GALNTL6: variants seen among roughly 807,000 people sequenced by gnomAD.
GALNTL6 encodes the protein polypeptide N-acetylgalactosaminyltransferase like 6.
GALNTL6 carries 46 observed loss-of-function variants against 73.7 expected under a neutral mutation model. That is an observed-to-expected ratio of 0.62 (90% CI 0.49 to 0.80). The LOEUF is 0.80. Among genes scored for constraint, GALNTL6 ranks in the 30% least tolerant of loss-of-function variants. GALNTL6 has a pLI of 0.00. For missense variants in GALNTL6, 604 were observed against 755.0 expected (o/e 0.80, Z 2.34); for synonymous variants, 259 against 263.7 (o/e 0.98, Z 0.17).
At chr4:172,081,876 CTT>C (rs201769212) in intron 2 of GALNTL6, among the ~76,000 whole-genome samples, 5 of 143,980 alleles carry the variant, frequency 3.5e-5, no homozygotes, top group African/African-American at 7.6e-5. Flanking sequence ...TTATTTATTC[CTT>C]TTTTTTTTTT....
Position 172,498,762 on chromosome 4 carries a change from C to A in GALNTL6, c.553+150073C>A, listed in dbSNP as rs1204486450. Among the ~76,000 whole-genome samples, 6 of 152,128 alleles carry A rather than the reference C, an allele frequency of 3.9e-5. No homozygotes were observed. The East Asian group carries it at 1.2e-3, about 29-fold the overall frequency. On this transcript the variant is annotated intron_variant, in intron 5 of 12. Transcript: ENST00000506823. ...TTAGAGCTTAGTTCTATGATCAACTCGATGTATGATGAACAGGTTTTCAAG... is the reference window on the plus strand; with the variant it reads ...TTAGAGCTTAGTTCTATGATCAACTAGATGTATGATGAACAGGTTTTCAAG...
chr4:172,337,293 A>T (rs1741370175), intron 4 of GALNTL6, among the ~76,000 whole-genome samples: 1 of 152,118 alleles, frequency 6.6e-6, no homozygotes, highest in Non-Finnish European at 1.5e-5. Flanking sequence ...TTCAAGGTTA[A>T]TGATGATATG....
intron 5 of GALNTL6, among the ~76,000 whole-genome samples, chr4:172,513,586 CA>C (rs1734501189): frequency 6.6e-6 from 1 of 152,138 alleles, no homozygotes; most frequent in African/African-American, 2.4e-5. Context: ...AACTGCTCTT[CA>C]GATTCTTTTG....
At chr4:171,846,899 TAATTATATATACATATAATTATATG>T (rs1735386951) in intron 2 of GALNTL6, among the ~76,000 whole-genome samples, 2 of 13,620 alleles carry the variant, frequency 1.5e-4, no homozygotes, top group South Asian at 0.012. Flanking sequence ...TAATTATATG[TAATTATATATACATATAATTATATG>T]TAATTATATA....
At chr4:172,003,290 T>C (rs1740734364) in intron 2 of GALNTL6, among the ~76,000 whole-genome samples, 1 of 152,162 alleles carries the variant, frequency 6.6e-6, no homozygotes, top group African/African-American at 2.4e-5. Flanking sequence ...ATTTTATTTC[T>C]TTAGGACATT....
intron 5 of GALNTL6, among the ~76,000 whole-genome samples, chr4:172,677,969 G>A (rs1217556423): frequency 6.6e-6 from 1 of 152,162 alleles, no homozygotes; most frequent in Non-Finnish European, 1.5e-5. Flanking sequence ...TGCATTTAAG[G>A]AGCTTCTATA....
At chr4:172,733,510 G>A (rs1041939758) in intron 5 of GALNTL6, among the ~76,000 whole-genome samples, 19 of 152,218 alleles carry the variant, frequency 1.2e-4, no homozygotes, top group Admixed American at 5.9e-4. Context: ...CCCAAATCTC[G>A]TCTTGAATTG....
At chr4:172,368,954 C>T (rs1016297661) in intron 5 of GALNTL6, among the ~76,000 whole-genome samples, 2 of 152,178 alleles carry the variant, frequency 1.3e-5, no homozygotes, top group Non-Finnish European at 2.9e-5. Context: ...ATAAAGGCGG[C>T]ACAGACCCAA....
chr4:171,913,286 T>A (rs969453560), intron 2 of GALNTL6, among the ~76,000 whole-genome samples: 2 of 152,218 alleles, frequency 1.3e-5, no homozygotes, highest in African/African-American at 4.8e-5. Context: ...GAAAGAGGCA[T>A]TTATGGCTGG....
chr4:172,358,857 C>CAAAAAAAAAAAAAAAAAAAAAAA (rs56119441), intron 5 of GALNTL6, among the ~76,000 whole-genome samples: 1 of 85,554 alleles, frequency 1.2e-5, no homozygotes, highest in African/African-American at 4.7e-5. Context: ...ATTAAAAAGT[C>CAAAAAAAAAAAAAAAAAAAAAAA]AAAAAAAAAA....
At chr4:173,005,344 C>G (rs761440773) in intron 10 of GALNTL6, among the ~76,000 whole-genome samples, 3 of 152,070 alleles carry the variant, frequency 2.0e-5, no homozygotes, top group Non-Finnish European at 4.4e-5. Context: ...TGCTGTCAAG[C>G]CCTGAAACTG....
intron 5 of GALNTL6, among the ~76,000 whole-genome samples, chr4:172,520,196 C>T (rs935444548): frequency 1.4e-4 from 21 of 151,832 alleles, no homozygotes; most frequent in African/African-American, 5.1e-4. Flanking sequence ...AAGTTAATGT[C>T]GGTGTCAATA....
intron 5 of GALNTL6, among the ~76,000 whole-genome samples, chr4:172,524,035 G>T (rs1734870188): frequency 6.6e-6 from 1 of 152,066 alleles, no homozygotes; most frequent in African/African-American, 2.4e-5. Context: ...TATGGTAATT[G>T]TATCCTGAAT....
At position 172,786,370 on chromosome 4, in the gene GALNTL6, A is replaced by C. The variant is rs1739654554; in HGVS notation, c.554-22991A>C. On this transcript the variant is annotated intron_variant, in intron 5 of 12. Coordinates refer to ENST00000506823, the MANE Select transcript of GALNTL6 (RefSeq NM_001034845.3). The stretch of plus-strand genomic sequence containing the variant: ...ATATAATTATCATGACTCACTTTGT[A>C]GTGTAGTGAATACAGTATTTTTTAT... Among the ~76,000 whole-genome samples, 4 of 152,234 alleles carry C rather than the reference A, an allele frequency of 2.6e-5. No homozygotes were observed. The South Asian group carries it at 8.3e-4, about 31-fold the overall frequency.
chr4:172,107,966 G>T (rs529139115), intron 2 of GALNTL6, among the ~76,000 whole-genome samples: 1 of 152,198 alleles, frequency 6.6e-6, no homozygotes, highest in African/African-American at 2.4e-5. Flanking sequence ...TCACATGGAA[G>T]AAAAGTAGGT....
At chr4:172,068,371 C>T (rs1376858543) in intron 2 of GALNTL6, among the ~76,000 whole-genome samples, 1 of 110,130 alleles carries the variant, frequency 9.1e-6, no homozygotes, top group African/African-American at 3.4e-5. Flanking sequence ...ACCATGCTTG[C>T]TGCATGATCT....
At chr4:172,527,618 C>T (rs1372735648) in intron 5 of GALNTL6, among the ~76,000 whole-genome samples, 2 of 152,148 alleles carry the variant, frequency 1.3e-5, no homozygotes, top group East Asian at 3.8e-4. Flanking sequence ...CCAGGTTTCA[C>T]GTTGCTTTTA....
At chr4:172,590,006 G>A (rs1469111205) in intron 5 of GALNTL6, among the ~76,000 whole-genome samples, 1 of 152,146 alleles carries the variant, frequency 6.6e-6, no homozygotes, top group Non-Finnish European at 1.5e-5. Flanking sequence ...TTAGAGGAAG[G>A]GGACTCAGAG....
intron 5 of GALNTL6, among the ~76,000 whole-genome samples, chr4:172,634,686 T>A (rs1739579381): frequency 6.6e-6 from 1 of 152,224 alleles, no homozygotes; most frequent in Admixed American, 6.5e-5. Flanking sequence ...CAAATTTATT[T>A]ATGTTTAATA....
Sources: allele counts gnomAD v4.1 joint callset (sites outside exome capture counted in the v4.1 genomes callset), GRCh38; gene constraint gnomAD v4.1.1; transcripts MANE v1.5; gene names NCBI Gene and HGNC (gene_info 2026-07-23, HGNC 2026-07-21).